SP140: variants seen among roughly 807,000 people sequenced by gnomAD.
The protein encoded by SP140 is SP140 nuclear body protein.
SP140 carries 81 observed loss-of-function variants against 125.0 expected under a neutral mutation model. The observed-to-expected ratio is 0.65, with a 90% CI of 0.54 to 0.78. The LOEUF is 0.78. Ranked by LOEUF, SP140 falls within the 30% of genes least tolerant of loss-of-function variation. The probability of loss-of-function intolerance (pLI) is 0.00; values close to 1 mark genes in which losing one functional copy is unlikely to be tolerated. For missense variants in SP140, 858 were observed against 1,037.0 expected (o/e 0.83, Z 2.37); for synonymous variants, 312 against 354.0 (o/e 0.88, Z 1.33).
intron 22 of SP140, among the ~76,000 whole-genome samples, chr2:230,303,456 G>A (rs1048458233): frequency 7.9e-5 from 12 of 152,192 alleles, no homozygotes; most frequent in African/African-American, 2.7e-4. Context: ...CAGATGGATT[G>A]ATTCACAGCT....
Position 230,310,823 on chromosome 2 carries a change from A to G in SP140, c.2255A>G (p.Glu752Gly), listed in dbSNP as rs768278458. Residue 752 changes from glutamate to glycine, a missense_variant, in exon 24 of 27, where the codon GAG becomes GGG. By Grantham distance (98) the Glu-to-Gly change is moderately conservative (BLOSUM62 -2). Coordinates refer to ENST00000392045, the MANE Select transcript of SP140 (RefSeq NM_007237.5). ...TGTTGTCAGGAATCTGAGGTCCTGG[A>G]GAGGCAGATGTGTCCTGAGGAACAG... ...QQCCQESEVLERQMCPEEQLK... is the reference protein window; with the variant it reads ...QQCCQESEVLGRQMCPEEQLK... 3 of 1,421,892 alleles carry G rather than the reference A, an allele frequency of 2.1e-6. No individual in the cohort carries two copies. The highest frequency in any genetic ancestry group is 2.5e-4 in the Middle Eastern group (1 of 4,076). The allele number at this position is 1,421,892 out of a possible 1,614,324, so 88.1% of individuals were successfully genotyped here. A position where few individuals can be genotyped will look rare whatever the true frequency, so the allele number is the denominator to read the frequency against.
intron 16 of SP140, among the ~76,000 whole-genome samples, chr2:230,285,108 C>T (rs1274444136): frequency 2.0e-5 from 3 of 152,110 alleles, no homozygotes; most frequent in Non-Finnish European, 4.4e-5. Flanking sequence ...TGGAGATAGC[C>T]ATCCTCATCT....
At chr2:230,202,647 C>T (rs1426518042), upstream of SP140, 1 of 1,614,096 alleles carries the variant, frequency 6.2e-7, no homozygotes, top group Non-Finnish European at 8.5e-7. Context: ...CGTGGAGTTA[C>T]AAGTTGAGTC....
downstream of SP140, among the ~76,000 whole-genome samples, chr2:230,314,268 G>A (rs541495935): frequency 8.5e-5 from 13 of 152,240 alleles, no homozygotes; most frequent in South Asian, 2.3e-3. Context: ...CCCAACTCCC[G>A]ATTTTTCTAG....
At chr2:230,305,522 GC>G (rs1431306836) in intron 22 of SP140, among the ~76,000 whole-genome samples, 1 of 152,256 alleles carries the variant, frequency 6.6e-6, no homozygotes, top group East Asian at 1.9e-4. Flanking sequence ...AGAGCCAGTT[GC>G]CCTGGGAGCC....
Position 230,253,334 on chromosome 2 carries a change from A to G in SP140, c.1076A>G (p.Glu359Gly), listed in dbSNP as rs2050669481. Residue 359 changes from glutamate (E) to glycine (G), a missense_variant, in exon 11 of 27, where the codon GAG (glutamate) becomes GGG (glycine). Physicochemically the swap from Glu to Gly is moderately conservative, Grantham distance 98. This residue lies in a region of SP140 where 791 missense variants were observed against 869.5 expected (regional missense o/e 0.91). Coordinates refer to ENST00000392045, the MANE Select transcript of SP140 (RefSeq NM_007237.5). ...RCGSVSCLSA[E>G]TFDLKTPQVT... ...CTGTCAGTTTCTTGTTTATCTGCAG[A>G]GACCTTTGATCTAAAGACTCCCCAA... is the stretch of plus-strand genomic sequence containing the variant. 1 of 1,611,750 alleles carries G rather than the reference A, an allele frequency of 6.2e-7. No individual in the cohort carries two copies. Among genetic ancestry groups the G allele is most frequent in the Non-Finnish European group, 8.5e-7 (1 of 1,177,920 alleles).
intron 3 of SP140, among the ~76,000 whole-genome samples, chr2:230,218,187 G>C (rs1390684395): frequency 6.6e-6 from 1 of 152,178 alleles, no homozygotes. Flanking sequence ...TTAACAAACA[G>C]AACAAACATG....
chr2:230,303,505 C>T (rs1044412065), intron 22 of SP140, among the ~76,000 whole-genome samples: 2 of 152,186 alleles, frequency 1.3e-5, no homozygotes, highest in Non-Finnish European at 2.9e-5. Flanking sequence ...TGGTATCAAT[C>T]CTACTGAAAC....
chr2:230,241,606 C>A, intron 4 of SP140, 119 bp downstream of exon 4: 1 of 663,298 alleles, frequency 1.5e-6, no homozygotes, highest in Non-Finnish European at 2.7e-6. Flanking sequence ...GTCCTCCTCC[C>A]CTCACACAGC....
At chr2:230,301,678 AC>A (rs2058295122) in intron 22 of SP140, among the ~76,000 whole-genome samples, 1 of 152,146 alleles carries the variant, frequency 6.6e-6, no homozygotes, top group Non-Finnish European at 1.5e-5. Flanking sequence ...CCAAAATAGA[AC>A]CCCCTAAAGC....
chr2:230,307,988 T>TATAC (rs1487833353), intron 22 of SP140, among the ~76,000 whole-genome samples: 17 of 74,438 alleles, frequency 2.3e-4, no homozygotes, highest in African/African-American at 6.5e-4. Context: ...TATATATATA[T>TATAC]ATACACACAC....
intron 15 of SP140, among the ~76,000 whole-genome samples, chr2:230,281,144 C>T (rs1490611568): frequency 1.3e-5 from 2 of 152,062 alleles, no homozygotes; most frequent in Admixed American, 1.3e-4. Flanking sequence ...GCTTTTATTC[C>T]CCAAAATTTA....
At chr2:230,308,630 C>T (rs376686374) in intron 22 of SP140, among the ~76,000 whole-genome samples, 93 of 152,352 alleles carry the variant, frequency 6.1e-4, no homozygotes, top group African/African-American at 2.0e-3. Flanking sequence ...CTGTGGAGGG[C>T]GGGCTGTCCC....
At chr2:230,222,615 C>G (rs2045913660), upstream of SP140, among the ~76,000 whole-genome samples, 1 of 151,300 alleles carries the variant, frequency 6.6e-6, no homozygotes, top group South Asian at 2.1e-4. Flanking sequence ...TCCCCGCTAT[C>G]AGGGAGACAG....
At chr2:230,298,180 A>G (rs1441119436) in intron 22 of SP140, among the ~76,000 whole-genome samples, 4 of 152,182 alleles carry the variant, frequency 2.6e-5, no homozygotes, top group East Asian at 1.9e-4. Context: ...TGCTTGCTAT[A>G]TGACTGCCTG....
intron 1 of SP140, chr2:230,212,442 A>G: frequency 6.3e-7 from 1 of 1,584,286 alleles, no homozygotes; most frequent in Non-Finnish European, 8.7e-7. Context: ...TGAAGGAGGA[A>G]AGGAAATTAT....
chr2:230,263,670 GGCGAATTCTCTCA>G (rs2052626743), intron 12 of SP140, among the ~76,000 whole-genome samples: 1 of 152,144 alleles, frequency 6.6e-6, no homozygotes, highest in African/African-American at 2.4e-5. Context: ...GCTTGGTAAT[GGCGAATTCTCTCA>G]GCATTTGTTT....
chr2:230,230,297 C>G (rs1368490626), intron 1 of SP140: 1 of 152,186 alleles, frequency 6.6e-6, no homozygotes, highest in African/African-American at 2.4e-5. Flanking sequence ...GTAGGGGTCA[C>G]AGGACCTGGT....
At chr2:230,206,595 T>TTTTATATATATATA (rs1317441117) in intron 1 of SP140, among the ~76,000 whole-genome samples, 1 of 70,530 alleles carries the variant, frequency 1.4e-5, no homozygotes, top group African/African-American at 4.8e-5. Context: ...GGTCCAGATT[T>TTTTATATATATATA]TATATATATA....
Sources: gnomAD v4.1 joint callset for allele counts (sites outside exome capture counted in the v4.1 genomes callset) on GRCh38, gnomAD v4.1.1 for gene constraint, gnomAD v4.1.1 regional missense constraint, MANE v1.5 for transcripts, NCBI Gene and HGNC (gene_info 2026-07-23, HGNC 2026-07-21) for gene names.